The following GABRG3 variants were observed in gnomAD, a reference collection of about 807,000 sequenced individuals.
GABRG3 encodes gamma-aminobutyric acid type A receptor subunit gamma3.
A neutral mutation model predicts 48.8 loss-of-function variants in GABRG3; 25 were observed. The observed-to-expected ratio is 0.51, with a 90% confidence interval of 0.37 to 0.72. GABRG3 has a LOEUF of 0.72. GABRG3 is among the 30% of genes least tolerant of loss of function. GABRG3 has a pLI of 0.00. For missense variants in GABRG3, 394 were observed against 577.9 expected (o/e 0.68, Z 3.26); for synonymous variants, 227 against 217.6 (o/e 1.04, Z -0.38).
At chr15:27,030,302 C>T (rs1896060784) in intron 3 of GABRG3, among the ~76,000 whole-genome samples, 1 of 152,174 alleles carries the variant, frequency 6.6e-6, no homozygotes. Flanking sequence ...CTTCTTCCTC[C>T]TCCTTCTTTC....
intron 5 of GABRG3, among the ~76,000 whole-genome samples, chr15:27,467,600 C>CAAAAAAATG (rs1889654424): frequency 6.6e-6 from 1 of 152,214 alleles, no homozygotes; most frequent in Admixed American, 6.5e-5. Flanking sequence ...TGTTGATAAA[C>CAAAAAAATG]TTTTTGAGCA....
intron 3 of GABRG3, among the ~76,000 whole-genome samples, chr15:27,129,573 G>A (rs868146847): frequency 9.9e-5 from 15 of 151,992 alleles, no homozygotes; most frequent in South Asian, 2.1e-4. Flanking sequence ...GTAAAATTGC[G>A]GTCATATGAT....
chr15:27,435,151 A>G (rs1888572419), intron 5 of GABRG3, among the ~76,000 whole-genome samples: 1 of 151,192 alleles, frequency 6.6e-6, no homozygotes, highest in Non-Finnish European at 1.5e-5. Context: ...ATCACCCTAT[A>G]TAACAGATCA....
intron 5 of GABRG3, among the ~76,000 whole-genome samples, chr15:27,380,987 A>G (rs867386852): frequency 1.3e-4 from 20 of 152,018 alleles, no homozygotes; most frequent in African/African-American, 2.7e-4. Flanking sequence ...GGACGGTCTC[A>G]ATCTCCTGAC....
intron 3 of GABRG3, among the ~76,000 whole-genome samples, chr15:27,212,963 G>A (rs544898069): frequency 6.6e-6 from 1 of 152,276 alleles, no homozygotes; most frequent in South Asian, 2.1e-4. Flanking sequence ...TATACCACAT[G>A]CCACATTGTG....
chr15:27,432,138 T>G (rs1888473274), intron 5 of GABRG3, among the ~76,000 whole-genome samples: 1 of 152,230 alleles, frequency 6.6e-6, no homozygotes, highest in Non-Finnish European at 1.5e-5. Flanking sequence ...GGTGATGATT[T>G]CTATATATGT....
chr15:27,039,987 C>T (rs8031149), intron 3 of GABRG3, among the ~76,000 whole-genome samples: 3,302 of 152,366 alleles, frequency 0.022, 124 homozygotes, highest in African/African-American at 0.075. Context: ...TTTCTGCTCC[C>T]TCCATCCCAC....
intron 4 of GABRG3, 135 bp downstream of exon 4, chr15:27,327,164 G>A (rs1893644008): frequency 1.3e-6 from 1 of 754,612 alleles, no homozygotes; most frequent in Admixed American, 2.5e-5. Context: ...AGCATCCTGA[G>A]AAAGTCTGCC....
At chr15:27,029,549 C>T (rs991141093) in intron 3 of GABRG3, among the ~76,000 whole-genome samples, 14 of 151,784 alleles carry the variant, frequency 9.2e-5, no homozygotes, top group African/African-American at 2.2e-4. Flanking sequence ...CGCACACACA[C>T]GCACACACAC....
At chr15:27,025,513 A>G (rs1312136163) in intron 2 of GABRG3, among the ~76,000 whole-genome samples, 1 of 152,228 alleles carries the variant, frequency 6.6e-6, no homozygotes, top group Non-Finnish European at 1.5e-5. Context: ...GGCATTTTCC[A>G]AAATGCCAGC....
intron 5 of GABRG3, chr15:27,350,166 G>T (rs773573435): frequency 2.2e-6 from 1 of 455,782 alleles, no homozygotes; most frequent in Non-Finnish European, 4.4e-6. Context: ...CATGCATATC[G>T]CTGACGTTTA....
chr15:26,999,283 T>C (rs1395841289), intron 2 of GABRG3, among the ~76,000 whole-genome samples: 1 of 152,168 alleles, frequency 6.6e-6, no homozygotes, highest in Admixed American at 6.5e-5. Flanking sequence ...ATGGTATGCA[T>C]AGGTTATATT....
chr15:27,533,095 T>C lies in GABRG3; in HGVS notation c.*214T>C. On this transcript the variant is annotated 3_prime_UTR_variant, in exon 10 of 10. Transcript: ENST00000615808. The stretch of plus-strand genomic sequence containing the variant: ...ACATACACACACACAGCTAATTGAG[T>C]TTTAAAGTAATATTCTTGCTAATCC... The C allele has an allele frequency of 1.9e-6, 1 of 514,492 alleles. No individual in the cohort carries two copies. Among genetic ancestry groups the C allele is most frequent in the Non-Finnish European group, 3.4e-6 (1 of 290,716 alleles). 31.9% of individuals were successfully genotyped at this position (514,492 alleles called of 1,614,324 possible).
At chr15:27,404,092 G>A (rs1887561288) in intron 5 of GABRG3, among the ~76,000 whole-genome samples, 1 of 151,884 alleles carries the variant, frequency 6.6e-6, no homozygotes, top group African/African-American at 2.4e-5. Flanking sequence ...GTGGTGGCAG[G>A]TGCCTGTAGT....
At chr15:27,008,621 T>A (rs1344406965) in intron 2 of GABRG3, among the ~76,000 whole-genome samples, 1 of 149,584 alleles carries the variant, frequency 6.7e-6, no homozygotes, top group East Asian at 1.9e-4. Context: ...TGTCTAAATA[T>A]CAGGTGCTGG....
intron 5 of GABRG3, among the ~76,000 whole-genome samples, chr15:27,464,075 T>C (rs1397134061): frequency 6.6e-6 from 1 of 152,186 alleles, no homozygotes; most frequent in Non-Finnish European, 1.5e-5. Flanking sequence ...CAGGTTTTTT[T>C]AAATGACTGC....
rs1894677671 is a variant in GABRG3, at chr15:27,352,970, G to C, written c.574+24082G>C. Among the ~76,000 whole-genome samples, 2 of 152,170 alleles carry C rather than the reference G, an allele frequency of 1.3e-5. No individual in the cohort carries two copies. The highest frequency in any genetic ancestry group is 2.9e-5 in the Non-Finnish European group (2 of 68,032). On this transcript the variant is annotated intron_variant, in intron 5 of 9. Transcript: ENST00000615808. The surrounding 1 kb of genome is among the most constrained non-coding windows in gnomAD (Gnocchi z 4.0). ...TGGATCGTTTGATGGTTGGGTGTTA[G>C]GTATTTGAAGTGTGACGTCTACAAA...
intron 3 of GABRG3, among the ~76,000 whole-genome samples, chr15:27,291,643 A>G (rs1891796721): frequency 6.6e-6 from 1 of 152,354 alleles, no homozygotes; most frequent in African/African-American, 2.4e-5. Context: ...GAAAATGAGT[A>G]TCTTGTCTTT....
chr15:27,118,480 G>A (rs1347648827), intron 3 of GABRG3, among the ~76,000 whole-genome samples: 2 of 152,178 alleles, frequency 1.3e-5, no homozygotes, highest in Non-Finnish European at 2.9e-5. Flanking sequence ...TGCCATGGCA[G>A]CAATGTCCAT....
Sources: allele counts gnomAD v4.1 joint callset (sites outside exome capture counted in the v4.1 genomes callset), GRCh38; gene constraint gnomAD v4.1.1; non-coding constraint Gnocchi (gnomAD v3.1); transcripts MANE v1.5; gene names NCBI Gene and HGNC (gene_info 2026-07-23, HGNC 2026-07-21).